The following BAZ2B variants were observed in gnomAD, a reference collection of about 807,000 sequenced individuals.
BAZ2B encodes the protein bromodomain adjacent to zinc finger domain 2B.
A neutral mutation model predicts 246.0 loss-of-function variants in BAZ2B; 91 were observed. The ratio of observed to expected loss-of-function variants is 0.37; its 90% confidence interval spans 0.31 to 0.44. The LOEUF (loss-of-function observed/expected upper bound fraction) is 0.44, where lower values mean the gene tolerates loss of function less well. Ranked by LOEUF, BAZ2B falls within the 20% of genes least tolerant of loss-of-function variation. The pLI, the probability that BAZ2B is intolerant of heterozygous loss-of-function variation, is 1.00. For synonymous variants in BAZ2B, 855 were observed against 860.0 expected (o/e 0.99, Z 0.10); for missense variants, 2,332 against 2,533.7 (o/e 0.92, Z 1.71).
rs999984947 is a variant in BAZ2B, at chr2:159,480,234, C to T, written c.-2-1513G>A. On this transcript the variant is annotated intron_variant, in intron 2 of 36. Transcript: ENST00000392783. ...TTGTCTTCAAGAATTCTATCTGCTA[C>T]GTAAATATACTATGTAAAAAAAATA... 5.9e-5 allele frequency among the ~76,000 whole-genome samples: 9 copies of T among 151,890 alleles called. No individual in the cohort carries two copies. In the East Asian group the frequency reaches 9.7e-4, roughly 16 times the overall value.
the BAZ2B span, among the ~76,000 whole-genome samples, chr2:159,643,974 G>A: frequency 6.6e-6 from 1 of 151,358 alleles, no homozygotes; most frequent in South Asian, 2.1e-4. Context: ...CCTGGGTAAA[G>A]TGGCTGTCAC....
At chr2:159,401,846 T>G (rs2065124455) in intron 16 of BAZ2B, among the ~76,000 whole-genome samples, 1 of 152,158 alleles carries the variant, frequency 6.6e-6, no homozygotes, top group African/African-American at 2.4e-5. Flanking sequence ...TAAATACAAG[T>G]TAAAAAAGAA....
At chr2:159,431,210 T>A in intron 9 of BAZ2B, 54 bp from the exon 10 acceptor site, 1 of 1,533,840 alleles carries the variant, frequency 6.5e-7, no homozygotes, top group Admixed American at 2.0e-5. Context: ...ACCAATAATT[T>A]GCAGTTTGTA....
intron 17 of BAZ2B, among the ~76,000 whole-genome samples, chr2:159,399,186 T>C (rs2064553520): frequency 6.6e-6 from 1 of 152,212 alleles, no homozygotes. Flanking sequence ...TTATGTTCTT[T>C]TACCTTAAAA....
At chr2:159,658,000 C>T in the BAZ2B span, among the ~76,000 whole-genome samples, 2 of 152,148 alleles carry the variant, frequency 1.3e-5, no homozygotes, top group East Asian at 3.8e-4. Context: ...GACATCTCTG[C>T]CCTGTTTCTG....
At chr2:159,340,580 T>C (rs1439173923) in intron 31 of BAZ2B, among the ~76,000 whole-genome samples, 1 of 152,008 alleles carries the variant, frequency 6.6e-6, no homozygotes, top group Non-Finnish European at 1.5e-5. Context: ...ACATTGGATT[T>C]CTCAGCAGAA....
chr2:159,604,955 C>T (rs77261912), intron 1 of BAZ2B, among the ~76,000 whole-genome samples: 9 of 62,242 alleles, frequency 1.4e-4, no homozygotes, highest in South Asian at 4.6e-4. Flanking sequence ...TGTGTGTGCG[C>T]GTGTGTGCGC....
chr2:159,707,932 A>C, the BAZ2B span, among the ~76,000 whole-genome samples: 7 of 152,198 alleles, frequency 4.6e-5, no homozygotes, highest in African/African-American at 1.7e-4. Context: ...TGGAGGTTGC[A>C]GTGAGCCGAG....
intron 25 of BAZ2B, among the ~76,000 whole-genome samples, chr2:159,375,957 A>C (rs1426096843): frequency 6.6e-6 from 1 of 152,212 alleles, no homozygotes; most frequent in African/African-American, 2.4e-5. Context: ...AATAATTCCT[A>C]ACATGCATAG....
chr2:159,323,016 A>C (rs2062908618), intron 36 of BAZ2B, among the ~76,000 whole-genome samples: 1 of 148,852 alleles, frequency 6.7e-6, no homozygotes, highest in Non-Finnish European at 1.5e-5. Flanking sequence ...TTTTTGAGAC[A>C]ATCTCACTCT....
Position 159,523,471 on chromosome 2 carries a change from C to T in BAZ2B, c.-3+32352G>A, listed in dbSNP as rs564247721. 6.6e-5 allele frequency among the ~76,000 whole-genome samples: 10 copies of T among 151,786 alleles called. No homozygotes were observed. The East Asian group carries it at 7.8e-4, about 12-fold the overall frequency. Reference sequence around the variant, plus strand: ...TTGTAATCCCAGCACTTTGGGAGGTCGAGGCGGGCGGATCACAAGATCAGG... The same window carrying T: ...TTGTAATCCCAGCACTTTGGGAGGTTGAGGCGGGCGGATCACAAGATCAGG... On this transcript the variant is annotated intron_variant, in intron 2 of 36. Coordinates refer to ENST00000392783, the MANE Select transcript of BAZ2B (RefSeq NM_013450.4).
At chr2:159,567,167 C>T (rs763196456) in intron 1 of BAZ2B, among the ~76,000 whole-genome samples, 19 of 151,504 alleles carry the variant, frequency 1.3e-4, no homozygotes, top group Non-Finnish European at 1.6e-4. Context: ...CGCTTGAACC[C>T]GGGAAGCAGA....
the BAZ2B span, among the ~76,000 whole-genome samples, chr2:159,653,210 G>C: frequency 2.0e-5 from 3 of 152,270 alleles, no homozygotes; most frequent in East Asian, 5.8e-4. Flanking sequence ...AAAGTGCTGG[G>C]ATTATAGGCG....
intron 18 of BAZ2B, 29 bp downstream of exon 18, chr2:159,398,800 T>G: frequency 6.3e-7 from 1 of 1,587,824 alleles, no homozygotes. Context: ...TTTTCAAAAA[T>G]AAAAACTCTG....
intron 2 of BAZ2B, among the ~76,000 whole-genome samples, chr2:159,554,362 T>C (rs933617664): frequency 6.6e-6 from 1 of 152,110 alleles, no homozygotes; most frequent in African/African-American, 2.4e-5. Context: ...AAGGTTTCTA[T>C]AGAAATATGT....
At chr2:159,344,797 C>A (rs1416404418) in intron 31 of BAZ2B, among the ~76,000 whole-genome samples, 1 of 151,530 alleles carries the variant, frequency 6.6e-6, no homozygotes, top group African/African-American at 2.4e-5. Flanking sequence ...TGCATGTTCT[C>A]ATTCATGTGG....
chr2:159,699,656 T>G, the BAZ2B span, among the ~76,000 whole-genome samples: 2 of 152,230 alleles, frequency 1.3e-5, no homozygotes, highest in African/African-American at 4.8e-5. Context: ...CTCAGCACTT[T>G]GATTAATCAG....
the BAZ2B span, among the ~76,000 whole-genome samples, chr2:159,664,076 T>A: frequency 1.8e-5 from 1 of 56,118 alleles, no homozygotes; most frequent in Non-Finnish European, 3.5e-5. Context: ...CCTTCCTGTG[T>A]CCATGTGATC....
intron 13 of BAZ2B, among the ~76,000 whole-genome samples, chr2:159,422,925 C>T (rs2069037110): frequency 6.6e-6 from 1 of 151,962 alleles, no homozygotes; most frequent in Non-Finnish European, 1.5e-5. Context: ...TACATGGAGC[C>T]AACAAATATA....
Sources: gnomAD v4.1 joint callset for allele counts (sites outside exome capture counted in the v4.1 genomes callset) on GRCh38, gnomAD v4.1.1 for gene constraint, MANE v1.5 for transcripts, NCBI Gene and HGNC (gene_info 2026-07-23, HGNC 2026-07-21) for gene names.